Variants in TMCO5A observed in about 807,000 individuals in gnomAD.
TMCO5A encodes transmembrane and coiled-coil domain-containing protein 5A.
TMCO5A carries 34 observed loss-of-function variants against 42.3 expected under a neutral mutation model. The observed-to-expected ratio is 0.80, with a 90% CI of 0.61 to 1.07. The LOEUF is 1.07. TMCO5A is among the 50% of genes least tolerant of loss of function. The pLI is 0.00. For missense variants in TMCO5A, 357 were observed against 327.9 expected, an observed-to-expected ratio of 1.09 and a Z score of -0.69; for synonymous variants, 131 against 115.6, an observed-to-expected ratio of 1.13 and a Z score of -0.86.
chr15:37,948,330 G>C (rs775507305), intron 11 of TMCO5A, among the ~76,000 whole-genome samples: 2 of 151,950 alleles, frequency 1.3e-5, no homozygotes, highest in Non-Finnish European at 2.9e-5. Flanking sequence ...TGTTTAAGAA[G>C]GCATAAAGAA....
At chr15:37,989,330 T>C in the TMCO5A span, among the ~76,000 whole-genome samples, 1 of 151,968 alleles carries the variant, frequency 6.6e-6, no homozygotes, top group Non-Finnish European at 1.5e-5. Flanking sequence ...TTATTATTTG[T>C]TTCTTCCTGC....
chr15:37,951,420 A>G lies in TMCO5A; in HGVS notation c.*186A>G. On this transcript the variant is annotated 3_prime_UTR_variant, in exon 12 of 12. Transcript: ENST00000319669. ...CTTGACCAGTAAAAAGCTCTGTAAT[A>G]GATTTATGTGGCTCTGTGGATCGGC... 1.7e-6 allele frequency: 1 copy of G among 582,506 alleles called. No individual in the cohort carries two copies. Among genetic ancestry groups the G allele is most frequent in the Non-Finnish European group, 3.0e-6 (1 of 333,468 alleles). The allele number at this position is 582,506 out of a possible 1,614,324, so 36.1% of individuals were successfully genotyped here.
the TMCO5A span, among the ~76,000 whole-genome samples, chr15:38,012,130 AAAAG>A: frequency 6.6e-6 from 1 of 152,144 alleles, no homozygotes; most frequent in African/African-American, 2.4e-5. Context: ...TCTCAAAAAA[AAAAG>A]AAAAAAAGAA....
the TMCO5A span, among the ~76,000 whole-genome samples, chr15:38,003,653 G>A: frequency 6.6e-6 from 1 of 151,948 alleles, no homozygotes; most frequent in Admixed American, 6.5e-5. Context: ...TTCTCAAGCA[G>A]ATGAGTCTCT....
At chr15:37,974,331 G>A in the TMCO5A span, among the ~76,000 whole-genome samples, 1 of 152,142 alleles carries the variant, frequency 6.6e-6, no homozygotes, top group Non-Finnish European at 1.5e-5. Context: ...AATAGGAATG[G>A]TACCAGCTTT....
chr15:38,016,087 G>A, the TMCO5A span, among the ~76,000 whole-genome samples: 1 of 152,136 alleles, frequency 6.6e-6, no homozygotes, highest in African/African-American at 2.4e-5. Context: ...CGTCAATGTA[G>A]GTTCATCAGT....
At chr15:37,984,126 A>G in the TMCO5A span, among the ~76,000 whole-genome samples, 27 of 152,194 alleles carry the variant, frequency 1.8e-4, no homozygotes, top group African/African-American at 5.8e-4. Context: ...ATTCCTCTCC[A>G]TGCTTCTGTA....
the TMCO5A span, among the ~76,000 whole-genome samples, chr15:38,013,673 C>G: frequency 2.6e-5 from 4 of 152,184 alleles, no homozygotes; most frequent in African/African-American, 9.6e-5. Context: ...ACCCAATGAG[C>G]CACTCTATTA....
the TMCO5A span, among the ~76,000 whole-genome samples, chr15:37,981,217 A>C: frequency 6.6e-6 from 1 of 151,494 alleles, no homozygotes; most frequent in Non-Finnish European, 1.5e-5. Context: ...AAAAAAAAAA[A>C]AAAAAAAACT....
At chr15:37,969,083 A>G (rs935721377), downstream of TMCO5A, among the ~76,000 whole-genome samples, 5 of 152,200 alleles carry the variant, frequency 3.3e-5, no homozygotes, top group African/African-American at 9.7e-5. Flanking sequence ...TGTATATATG[A>G]TAAGTCCTAT....
chr15:37,973,157 C>CTTTT, the TMCO5A span, among the ~76,000 whole-genome samples: 9 of 139,902 alleles, frequency 6.4e-5, no homozygotes, highest in African/African-American at 1.8e-4. Context: ...TCTTTTTTTC[C>CTTTT]TTTTTTTTTT....
chr15:37,991,485 A>T, the TMCO5A span, among the ~76,000 whole-genome samples: 3 of 152,064 alleles, frequency 2.0e-5, no homozygotes, highest in African/African-American at 7.2e-5. Flanking sequence ...GTTTACATTT[A>T]TGTCTTTTAT....
chr15:37,981,199 G>GAA, the TMCO5A span, among the ~76,000 whole-genome samples: 1 of 41,832 alleles, frequency 2.4e-5, no homozygotes. Context: ...GAGAAAGCCA[G>GAA]CAAAAAAAAA....
In TMCO5A at chr15:37,936,242, A is replaced by G. The variant is rs1489583584; in HGVS notation, c.-10-72A>G. Reference sequence around the variant, plus strand: ...TTAATAAACTAGATGTGTTCTAAATACCCTTTTTGGCCTGATGATTATTGA... The same window carrying G: ...TTAATAAACTAGATGTGTTCTAAATGCCCTTTTTGGCCTGATGATTATTGA... On this transcript the variant is annotated intron_variant, in intron 2 of 11. Coordinates refer to ENST00000319669, the MANE Select transcript of TMCO5A (RefSeq NM_152453.4). 105 of 1,522,932 alleles carry G rather than the reference A, an allele frequency of 6.9e-5. No homozygotes were observed. In the East Asian group the frequency reaches 8.0e-4, roughly 12 times the overall value. 94.3% of individuals were successfully genotyped at this position (1,522,932 alleles called of 1,614,324 possible).
At chr15:37,936,256 G>A in intron 2 of TMCO5A, 58 bp from the exon 3 acceptor site, 1 of 1,554,608 alleles carries the variant, frequency 6.4e-7, no homozygotes, top group African/African-American at 1.4e-5. Context: ...TTTTTGGCCT[G>A]ATGATTATTG....
the TMCO5A span, among the ~76,000 whole-genome samples, chr15:38,016,118 G>A: frequency 4.6e-5 from 7 of 152,284 alleles, no homozygotes; most frequent in African/African-American, 1.2e-4. Context: ...GCACCCCTAT[G>A]GTGGGGGGTG....
chr15:38,039,721 G>C, the TMCO5A span, among the ~76,000 whole-genome samples: 3 of 152,206 alleles, frequency 2.0e-5, no homozygotes, highest in Non-Finnish European at 4.4e-5. Flanking sequence ...AGTAAACTCA[G>C]TGGCATCCAG....
At chr15:37,955,803 C>T (rs1178056659), downstream of TMCO5A, among the ~76,000 whole-genome samples, 1 of 152,128 alleles carries the variant, frequency 6.6e-6, no homozygotes, top group East Asian at 1.9e-4. Context: ...TTCTTCTCAG[C>T]ACCACACTGC....
chr15:37,977,343 G>C, the TMCO5A span, among the ~76,000 whole-genome samples: 3 of 152,168 alleles, frequency 2.0e-5, no homozygotes, highest in Non-Finnish European at 2.9e-5. Flanking sequence ...GTGTGGGTTA[G>C]TGTTCCTTTA....
Sources: allele counts gnomAD v4.1 joint callset (sites outside exome capture counted in the v4.1 genomes callset), GRCh38; gene constraint gnomAD v4.1.1; transcripts MANE v1.5; gene names NCBI Gene and HGNC (gene_info 2026-07-23, HGNC 2026-07-21).